SNTG2: variants seen among roughly 807,000 people sequenced by gnomAD.
SNTG2 encodes the protein gamma-2-syntrophin.
A neutral mutation model predicts 70.9 loss-of-function variants in SNTG2; 74 were observed. The observed-to-expected ratio is 1.04, with a 90% CI of 0.86 to 1.27. The LOEUF (loss-of-function observed/expected upper bound fraction) is 1.27, where lower values mean the gene tolerates loss of function less well. SNTG2 is among the 50% of genes most tolerant of loss of function. The pLI, the probability that SNTG2 is intolerant of heterozygous loss-of-function variation, is 0.00. For synonymous variants in SNTG2, 278 were observed against 273.8 expected, an observed-to-expected ratio of 1.02 and a Z score of -0.15; for missense variants, 717 against 690.7, an observed-to-expected ratio of 1.04 and a Z score of -0.43.
At chr2:1,307,374 TATG>T (rs1217773048) in intron 14 of SNTG2, among the ~76,000 whole-genome samples, 1 of 148,502 alleles carries the variant, frequency 6.7e-6, no homozygotes, top group Non-Finnish European at 1.5e-5. Context: ...TGTGTGTATA[TATG>T]GTGTTAGCGG....
intron 9 of SNTG2, among the ~76,000 whole-genome samples, chr2:1,219,684 G>C (rs1674624312): frequency 6.6e-6 from 1 of 151,646 alleles, no homozygotes; most frequent in South Asian, 2.1e-4. Flanking sequence ...AGGAAAGAAA[G>C]GGAAGGGAGG....
At chr2:1,130,611 T>C (rs1263398330) in intron 4 of SNTG2, among the ~76,000 whole-genome samples, 3 of 152,212 alleles carry the variant, frequency 2.0e-5, no homozygotes, top group African/African-American at 7.2e-5. Context: ...CCCCAAGAAC[T>C]CCTGCAAACA....
At chr2:1,348,581 C>T (rs1427224718) in intron 16 of SNTG2, among the ~76,000 whole-genome samples, 1 of 152,170 alleles carries the variant, frequency 6.6e-6, no homozygotes, top group Admixed American at 6.5e-5. Context: ...TCTGGAAGTC[C>T]TTGCTTGTAG....
chr2:1,238,172 G>C (rs28502413), intron 10 of SNTG2, among the ~76,000 whole-genome samples, 155 bp downstream of exon 10: 48,610 of 152,072 alleles, frequency 0.32, 9,329 homozygotes, highest in African/African-American at 0.54. Context: ...CATTAAAAAT[G>C]AAGCCATCAG....
At chr2:1,319,692 CT>C (rs1256028738) in intron 16 of SNTG2, among the ~76,000 whole-genome samples, 1 of 152,240 alleles carries the variant, frequency 6.6e-6, no homozygotes, top group Non-Finnish European at 1.5e-5. Context: ...CATTTCCCAC[CT>C]TATCCCACAG....
chr2:1,351,642 C>T (rs988488107), intron 16 of SNTG2, among the ~76,000 whole-genome samples: 8 of 152,140 alleles, frequency 5.3e-5, no homozygotes, highest in Non-Finnish European at 1.2e-4. Context: ...CCCACTCGGC[C>T]GCATCCAGCC....
intron 14 of SNTG2, among the ~76,000 whole-genome samples, chr2:1,281,946 C>T (rs1380001490): frequency 6.6e-6 from 1 of 152,136 alleles, no homozygotes; most frequent in African/African-American, 2.4e-5. Context: ...CACGGCCGAG[C>T]CTTGTGACCT....
chr2:1,268,127 G>T (rs768468574), intron 14 of SNTG2, among the ~76,000 whole-genome samples: 1 of 152,174 alleles, frequency 6.6e-6, no homozygotes, highest in African/African-American at 2.4e-5. Flanking sequence ...GAGGAAGAAT[G>T]CATTATAATC....
chr2:1,050,745 T>C (rs534006950), intron 1 of SNTG2, among the ~76,000 whole-genome samples: 5 of 152,332 alleles, frequency 3.3e-5, no homozygotes, highest in East Asian at 3.9e-4. Context: ...TTGTTTTGAA[T>C]ATGTAGATTA....
At chr2:1,235,520 G>T (rs111238955) in intron 9 of SNTG2, among the ~76,000 whole-genome samples, 1 of 43,262 alleles carries the variant, frequency 2.3e-5, no homozygotes, top group Non-Finnish European at 4.2e-5. Context: ...GGGGGCCCCT[G>T]CCCCACGCTG....
intron 16 of SNTG2, among the ~76,000 whole-genome samples, chr2:1,318,643 C>T (rs114629969): frequency 0.016 from 2,471 of 152,282 alleles, 67 homozygotes; most frequent in African/African-American, 0.055. Context: ...AAGGTGGGAA[C>T]GCGGAGAGAG....
chr2:1,260,847 C>T (rs951768108), intron 13 of SNTG2, among the ~76,000 whole-genome samples: 1 of 152,102 alleles, frequency 6.6e-6, no homozygotes, highest in Non-Finnish European at 1.5e-5. Context: ...AACACATTTT[C>T]GCTTCTCCCC....
At chr2:1,143,948 A>G (rs1031440927) in intron 6 of SNTG2, among the ~76,000 whole-genome samples, 1 of 125,630 alleles carries the variant, frequency 8.0e-6, no homozygotes, top group Non-Finnish European at 1.7e-5. Context: ...TCTTAAGAGG[A>G]AAAAAAACAG....
intron 1 of SNTG2, among the ~76,000 whole-genome samples, chr2:960,925 G>A (rs1660330392): frequency 6.6e-6 from 1 of 152,182 alleles, no homozygotes; most frequent in Non-Finnish European, 1.5e-5. Flanking sequence ...CCTGCTCCCT[G>A]CCACTCCAGG....
At chr2:970,415 C>G (rs1660699153) in intron 1 of SNTG2, among the ~76,000 whole-genome samples, 1 of 131,572 alleles carries the variant, frequency 7.6e-6, no homozygotes, top group Non-Finnish European at 1.6e-5. Flanking sequence ...CTATCCCTCC[C>G]CCCTCCCCCC....
chr2:1,212,906 A>T (rs564157302), intron 9 of SNTG2, among the ~76,000 whole-genome samples: 3 of 152,332 alleles, frequency 2.0e-5, no homozygotes, highest in South Asian at 2.1e-4. Context: ...TAAATCAAAC[A>T]GGTTTTAGAA....
chr2:1,160,541 C>T (rs1670200062), intron 6 of SNTG2: 1 of 152,240 alleles, frequency 6.6e-6, no homozygotes, highest in South Asian at 2.1e-4. Flanking sequence ...AGAAACTGCA[C>T]TGATGTCACC....
chr2:1,039,288 C>T (rs1019972312), intron 1 of SNTG2, among the ~76,000 whole-genome samples: 1 of 152,106 alleles, frequency 6.6e-6, no homozygotes, highest in Non-Finnish European at 1.5e-5. Flanking sequence ...TGTGTACAAG[C>T]CTTTCCTTCC....
intron 16 of SNTG2, among the ~76,000 whole-genome samples, chr2:1,355,443 G>A (rs1443785431): frequency 6.6e-6 from 1 of 152,190 alleles, no homozygotes; most frequent in Non-Finnish European, 1.5e-5. Flanking sequence ...ATAATGCAGT[G>A]TTTGTTCTGC....
Sources: allele counts gnomAD v4.1 joint callset (sites outside exome capture counted in the v4.1 genomes callset), GRCh38; gene constraint gnomAD v4.1.1; transcripts MANE v1.5; gene names NCBI Gene and HGNC (gene_info 2026-07-23, HGNC 2026-07-21).